The following HLTF variants were observed in gnomAD, a reference collection of about 807,000 sequenced individuals.
The protein encoded by HLTF is DNA-dependent ATPase/E3 ubiquitin-protein ligase HLTF.
A neutral mutation model predicts 129.4 loss-of-function variants in HLTF; 127 were observed. The observed-to-expected ratio is 0.98, with a 90% confidence interval of 0.85 to 1.14. HLTF has a LOEUF of 1.14. Among genes scored for constraint, HLTF ranks in the 50% most tolerant of loss-of-function variants. HLTF has a pLI of 0.00. For missense variants in HLTF, 1,139 were observed against 1,187.1 expected (o/e 0.96, Z 0.60); for synonymous variants, 332 against 388.8 (o/e 0.85, Z 1.72).
intron 14 of HLTF, among the ~76,000 whole-genome samples, chr3:149,053,415 A>G (rs1169610849): frequency 6.6e-6 from 1 of 150,852 alleles, no homozygotes; most frequent in African/African-American, 2.4e-5. Flanking sequence ...TCTCTCTCTT[A>G]CTCCCACTCT....
intron 1 of HLTF, among the ~76,000 whole-genome samples, chr3:149,085,802 T>G (rs1431496108): frequency 1.3e-5 from 2 of 152,100 alleles, no homozygotes; most frequent in African/African-American, 2.4e-5. Flanking sequence ...CAATGAAAAG[T>G]GAAGGGGAGT....
At chr3:149,042,754 T>C (rs2107969969) in intron 18 of HLTF, among the ~76,000 whole-genome samples, 1 of 152,218 alleles carries the variant, frequency 6.6e-6, no homozygotes, top group African/African-American at 2.4e-5. Context: ...GGCACAGCAC[T>C]CTACACTCCA....
intron 18 of HLTF, among the ~76,000 whole-genome samples, chr3:149,043,509 A>G (rs946093781): frequency 3.4e-5 from 5 of 146,880 alleles, no homozygotes; most frequent in African/African-American, 1.0e-4. Context: ...CACATGTCCC[A>G]GGGGAAAGTC....
chr3:149,044,978 T>A (rs1716419492), intron 18 of HLTF, among the ~76,000 whole-genome samples: 1 of 152,288 alleles, frequency 6.6e-6, no homozygotes, highest in East Asian at 1.9e-4. Context: ...GCCAGAGTGA[T>A]CTTTTAAAAA....
intron 24 of HLTF, among the ~76,000 whole-genome samples, chr3:149,032,620 A>AT (rs963450801): frequency 5.7e-4 from 87 of 152,314 alleles, no homozygotes; most frequent in African/African-American, 2.0e-3. Flanking sequence ...AGAAAAAAAA[A>AT]GCAAACTATA....
chr3:149,081,582 C>T (rs542759759), intron 2 of HLTF, among the ~76,000 whole-genome samples: 7 of 152,098 alleles, frequency 4.6e-5, no homozygotes, highest in African/African-American at 1.2e-4. Flanking sequence ...AAAAAAGACA[C>T]GAATGTGTAA....
intron 23 of HLTF, among the ~76,000 whole-genome samples, chr3:149,035,440 A>G (rs941169535): frequency 6.6e-6 from 1 of 152,088 alleles, no homozygotes. Flanking sequence ...TTCATGAAAT[A>G]AAAGTATAAA....
chr3:149,075,960 T>C lies in HLTF; in HGVS notation c.316A>G (p.Asn106Asp). Residue 106 changes from asparagine to aspartate, a missense_variant, in exon 3 of 25, where the codon AAT becomes GAT. Physicochemically the swap from Asn to Asp is conservative, Grantham distance 23 (BLOSUM62 1). Coordinates refer to ENST00000310053, the MANE Select transcript of HLTF (RefSeq NM_003071.4). ...TCTTTCTTTAAATGGCCAACTTGAT[T>C]TCCATTCACATTGTTTACTTTAATT... ...NAIKVNNVNGNQVGHLKKELA... is the reference protein window; with the variant it reads ...NAIKVNNVNGDQVGHLKKELA... 1 of 1,586,844 alleles carries C rather than the reference T, an allele frequency of 6.3e-7. No individual in the cohort carries two copies. Among genetic ancestry groups the C allele is most frequent in the Non-Finnish European group, 8.7e-7 (1 of 1,155,892 alleles).
At chr3:149,040,450 T>G (rs1418622073) in intron 20 of HLTF, among the ~76,000 whole-genome samples, 1 of 151,826 alleles carries the variant, frequency 6.6e-6, no homozygotes, top group African/African-American at 2.4e-5. Flanking sequence ...AAAAAATCTA[T>G]GAATAACAAT....
At chr3:149,043,019 A>G (rs973817079) in intron 18 of HLTF, among the ~76,000 whole-genome samples, 7 of 152,046 alleles carry the variant, frequency 4.6e-5, no homozygotes, top group Admixed American at 1.3e-4. Flanking sequence ...CAGCAGAAAA[A>G]TGTTGCCACA....
At chr3:149,057,030 AC>A (rs1312139732) in intron 13 of HLTF, among the ~76,000 whole-genome samples, 2 of 141,668 alleles carry the variant, frequency 1.4e-5, no homozygotes, top group East Asian at 4.3e-4. Flanking sequence ...AATGGCGTGA[AC>A]CCCAGGGGGC....
intron 23 of HLTF, among the ~76,000 whole-genome samples, chr3:149,037,794 A>G (rs1339442985): frequency 6.6e-6 from 1 of 152,214 alleles, no homozygotes; most frequent in Non-Finnish European, 1.5e-5. Context: ...GGTTGCCTTT[A>G]GCCCACATAG....
chr3:149,036,083 C>T (rs1383443940), intron 23 of HLTF, among the ~76,000 whole-genome samples: 3 of 151,010 alleles, frequency 2.0e-5, no homozygotes, highest in Admixed American at 6.6e-5. Context: ...GGCAGTGAGC[C>T]GAGATCGCGC....
intron 2 of HLTF, chr3:149,083,680 C>T (rs111342204): frequency 0.038 from 5,735 of 150,216 alleles, 299 homozygotes; most frequent in African/African-American, 0.12. Context: ...GAGGCCAAGG[C>T]GGACGGATCA....
chr3:149,039,048 C>G lies in HLTF; in HGVS notation c.2796+1G>C. ...CTGAAAAAATTTACAGAACTACTTA[C>G]TGGATCCATTAAAAACACTCGAGAA... On this transcript the variant is annotated splice_donor_variant, in intron 23 of 24. Coordinates refer to ENST00000310053, the MANE Select transcript of HLTF (RefSeq NM_003071.4). LOFTEE classifies it high-confidence loss of function. The G allele has an allele frequency of 6.5e-7, 1 of 1,531,008 alleles. No individual in the cohort carries two copies. Among genetic ancestry groups the G allele is most frequent in the Non-Finnish European group, 8.8e-7 (1 of 1,140,674 alleles). 94.8% of individuals were successfully genotyped at this position (1,531,008 alleles called of 1,614,324 possible). A position where few individuals can be genotyped will look rare whatever the true frequency, so the allele number is the denominator to read the frequency against.
chr3:149,065,978 T>A (rs963267938), intron 8 of HLTF, among the ~76,000 whole-genome samples: 1 of 152,030 alleles, frequency 6.6e-6, no homozygotes, highest in African/African-American at 2.4e-5. Context: ...ACTATAACCA[T>A]TTATATTAAA....
In HLTF at chr3:149,032,390, A is replaced by T; in HGVS notation, c.2878-18T>A. The T allele has an allele frequency of 7.1e-7, 1 of 1,410,254 alleles. No individual in the cohort carries two copies. 87.4% of individuals were successfully genotyped at this position (1,410,254 alleles called of 1,614,324 possible). A position where few individuals can be genotyped will look rare whatever the true frequency, so the allele number is the denominator to read the frequency against. On this transcript the variant is annotated intron_variant, in intron 24 of 24. Coordinates refer to ENST00000310053, the MANE Select transcript of HLTF (RefSeq NM_003071.4). ...ACAATGAACTTTAAAAAGAAAAAAAAAAGTTAAGTAGTTTTTAAGGCATAG... is the reference window on the plus strand; with the variant it reads ...ACAATGAACTTTAAAAAGAAAAAAATAAGTTAAGTAGTTTTTAAGGCATAG...
chr3:149,056,925 C>A (rs542112109), intron 13 of HLTF, among the ~76,000 whole-genome samples: 1 of 146,548 alleles, frequency 6.8e-6, no homozygotes, highest in Non-Finnish European at 1.5e-5. Flanking sequence ...CTGGCTAACA[C>A]GGTGAAACCC....
chr3:149,074,332 C>T lies in HLTF; in HGVS notation c.412G>A (p.Ala138Thr), dbSNP rs890855855. The T allele has an allele frequency of 1.8e-5, 29 of 1,611,458 alleles. No individual in the cohort carries two copies. The highest frequency in any genetic ancestry group is 2.5e-5 in the Non-Finnish European group (29 of 1,178,910). Residue 138 changes from alanine to threonine, a missense_variant, in exon 4 of 25, where the codon GCA becomes ACA. Ala to Thr is a moderately conservative substitution (Grantham distance 58). Transcript: ENST00000310053. ...AQIEGVVPFG[A>T]NNAFTMPLHM... is the part of the protein sequence containing the mutation. ...AGAGGCATGGTAAAAGCATTGTTTG[C>T]ACCAAAAGGAACTACCCTATTATAT...
Sources: allele counts gnomAD v4.1 joint callset (sites outside exome capture counted in the v4.1 genomes callset), GRCh38; gene constraint gnomAD v4.1.1; transcripts MANE v1.5; gene names NCBI Gene and HGNC (gene_info 2026-07-23, HGNC 2026-07-21).